Variants in OPRD1 observed in about 807,000 individuals in gnomAD.
The protein encoded by OPRD1 is delta-type opioid receptor.
Under a neutral mutation model 17.5 loss-of-function variants are expected in OPRD1, and 19 were observed. The observed-to-expected ratio is 1.09, with a 90% confidence interval of 0.76 to 1.60. The LOEUF is 1.60. OPRD1 is among the 40% of genes most tolerant of loss of function. The pLI is 0.00. For missense variants in OPRD1, 483 were observed against 547.2 expected (o/e 0.88, Z 1.17); for synonymous variants, 256 against 240.9 (o/e 1.06, Z -0.58).
At position 28,866,719 on chromosome 1, in the gene OPRD1, C is replaced by A. The variant is rs998773696; in HGVS notation, c.*3436C>A. 1 of 152,156 alleles carries A rather than the reference C, an allele frequency of 6.6e-6. No individual in the cohort carries two copies. Among genetic ancestry groups the A allele is most frequent in the Admixed American group, 6.5e-5 (1 of 15,272 alleles). 9.4% of individuals were successfully genotyped at this position (152,156 alleles called of 1,614,324 possible). On this transcript the variant is annotated 3_prime_UTR_variant, in exon 3 of 3. Coordinates refer to ENST00000234961, the MANE Select transcript of OPRD1 (RefSeq NM_000911.4). ...GAACCCCAGAATGAGGTTTTGAAGACCTAAAACCAAATGGAAAAATCTAAA... is the reference window on the plus strand; with the variant it reads ...GAACCCCAGAATGAGGTTTTGAAGAACTAAAACCAAATGGAAAAATCTAAA...
At position 28,812,321 on chromosome 1, in the gene OPRD1, G is replaced by T. The variant is rs2088636376; in HGVS notation, c.-63G>T. ...CGGCCTCTGCCTTGCCGCTCCCCTC[G>T]CGTCGGATCCCCGCGCCCAGGGCGC... On this transcript the variant is annotated 5_prime_UTR_variant, in exon 1 of 3. Coordinates refer to ENST00000234961, the MANE Select transcript of OPRD1 (RefSeq NM_000911.4). 8.6e-7 allele frequency: 1 copy of T among 1,168,590 alleles called. No individual in the cohort carries two copies. Among genetic ancestry groups the T allele is most frequent in the Non-Finnish European group, 1.1e-6 (1 of 927,338 alleles). 72.4% of individuals were successfully genotyped at this position (1,168,590 alleles called of 1,614,324 possible). A position where few individuals can be genotyped will look rare whatever the true frequency, so the allele number is the denominator to read the frequency against.
rs2089141666 is a variant in OPRD1, at chr1:28,863,186, AC to A, written c.1026del (p.Ser343AlafsTer135). 6.3e-7 allele frequency: 1 copy of A among 1,593,954 alleles called. No homozygotes were observed. The highest frequency in any genetic ancestry group is 8.5e-7 in the Non-Finnish European group (1 of 1,175,486). ...TGCCGCAAGCCCTGCGGCCGCCCAG[AC>A]CCCAGCAGCTTCAGCCGCGCCCGCG... ...QLCRKPCGRP[D>X]PSSFSRAREA... is the part of the protein sequence containing the mutation. On this transcript the variant is annotated frameshift_variant, in exon 3 of 3. Coordinates refer to ENST00000234961, the MANE Select transcript of OPRD1 (RefSeq NM_000911.4). LOFTEE classifies it low-confidence loss of function (END_TRUNC).
At position 28,844,102 on chromosome 1, in the gene OPRD1, A is replaced by G. The variant is rs192821166; in HGVS notation, c.228-14852A>G. Among the ~76,000 whole-genome samples the G allele has an allele frequency of 2.2e-3, 329 of 150,552 alleles. 2 individuals are homozygous for G. Among genetic ancestry groups the G allele is most frequent in the African/African-American group, 7.3e-3 (299 of 40,974 alleles). ...TTCCACAGTGGCTGCACCATTTTAC[A>G]TTTCCAAAAACGGTACACGAGAGTT... On this transcript the variant is annotated intron_variant, in intron 1 of 2. Coordinates refer to ENST00000234961, the MANE Select transcript of OPRD1 (RefSeq NM_000911.4).
intron 1 of OPRD1, among the ~76,000 whole-genome samples, chr1:28,821,596 G>A (rs1371767648): frequency 6.6e-6 from 1 of 152,152 alleles, no homozygotes; most frequent in Non-Finnish European, 1.5e-5. Context: ...CGCATTGCAT[G>A]TAATATTTTG....
Position 28,839,363 on chromosome 1 carries a change from C to T in OPRD1, c.228-19591C>T, listed in dbSNP as rs374526134. 4.1e-4 allele frequency among the ~76,000 whole-genome samples: 63 copies of T among 152,312 alleles called. 1 individual carries two copies. The South Asian group carries it at 0.013, about 31-fold the overall frequency. The stretch of plus-strand genomic sequence containing the variant: ...ACTTGTTGCTGGAGTTAGAGTCCCC[C>T]TCAATGATCCAAGATGGGCTTGAGA... On this transcript the variant is annotated intron_variant, in intron 1 of 2. Transcript: ENST00000234961.
chr1:28,835,517 G>A (rs556715678), intron 1 of OPRD1, among the ~76,000 whole-genome samples: 53 of 152,356 alleles, frequency 3.5e-4, no homozygotes, highest in African/African-American at 1.0e-3. Context: ...TGCCACTCTC[G>A]TTAAGTGGTG....
chr1:28,858,110 T>C (rs796147312), intron 1 of OPRD1, among the ~76,000 whole-genome samples: 23 of 134,750 alleles, frequency 1.7e-4, no homozygotes, highest in African/African-American at 6.2e-4. Context: ...TTTTTCTTTT[T>C]TTTTCTTTTT....
chr1:28,863,249 C>A lies in OPRD1; in HGVS notation c.1085C>A (p.Pro362Gln). 3 of 1,523,618 alleles carry A rather than the reference C, an allele frequency of 2.0e-6. No individual in the cohort carries two copies. Among genetic ancestry groups the A allele is most frequent in the South Asian group, 2.5e-5 (2 of 80,032 alleles). The allele number at this position is 1,523,618 out of a possible 1,614,324, so 94.4% of individuals were successfully genotyped here. A position where few individuals can be genotyped will look rare whatever the true frequency, so the allele number is the denominator to read the frequency against. The part of the protein sequence containing the change: ...TARERVTACT[P>Q]SDGPGGGAAA Reference sequence around the variant, plus strand: ...CGCGAGCGTGTCACCGCCTGCACCCCGTCCGATGGTCCCGGCGGTGGCGCT... The same window carrying A: ...CGCGAGCGTGTCACCGCCTGCACCCAGTCCGATGGTCCCGGCGGTGGCGCT... The change falls in exon 3 of 3, where the codon CCG (proline) becomes CAG (glutamine). Residue 362 changes from proline to glutamine, a missense_variant. Transcript: ENST00000234961.
chr1:28,827,737 T>TC (rs1405808141), intron 1 of OPRD1, among the ~76,000 whole-genome samples: 5 of 151,522 alleles, frequency 3.3e-5, no homozygotes, highest in African/African-American at 1.2e-4. Context: ...TTTTTTCTTT[T>TC]CCCCCTGCTC....
intron 1 of OPRD1, among the ~76,000 whole-genome samples, chr1:28,826,002 A>G (rs532049530): frequency 4.6e-5 from 7 of 152,348 alleles, no homozygotes; most frequent in African/African-American, 1.7e-4. Flanking sequence ...CCTTGCCCTC[A>G]TGGAGCTGAC....
chr1:28,862,925 G>T lies in OPRD1; in HGVS notation c.761G>T (p.Arg254Leu), dbSNP rs1425485010. ...RLLSGSKEKD[R>L]SLRRITRMVL... ...CTGTCGGGCTCCAAGGAGAAGGACC[G>T]CAGCCTGCGGCGCATCACGCGCATG... Residue 254 changes from arginine to leucine, a missense_variant, in exon 3 of 3, where the codon CGC becomes CTC. By Grantham distance (102) the Arg-to-Leu change is moderately radical. Transcript: ENST00000234961. 3 of 1,612,538 alleles carry T rather than the reference G, an allele frequency of 1.9e-6. No individual in the cohort carries two copies. The highest frequency in any genetic ancestry group is 2.5e-6 in the Non-Finnish European group (3 of 1,179,870).
intron 1 of OPRD1, among the ~76,000 whole-genome samples, chr1:28,820,957 C>T (rs1336091062): frequency 6.6e-6 from 1 of 151,886 alleles, no homozygotes; most frequent in African/African-American, 2.4e-5. Flanking sequence ...AGGTAACAAA[C>T]TTATTTCAGA....
intron 1 of OPRD1, among the ~76,000 whole-genome samples, chr1:28,821,826 G>T (rs1343015298): frequency 6.6e-6 from 1 of 152,036 alleles, no homozygotes; most frequent in African/African-American, 2.4e-5. Context: ...GATCACTTGA[G>T]CCCAGGAATT....
intron 1 of OPRD1, among the ~76,000 whole-genome samples, chr1:28,838,180 C>T (rs996114333): frequency 1.6e-4 from 24 of 151,994 alleles, no homozygotes; most frequent in Non-Finnish European, 3.2e-4. Flanking sequence ...TGAGATGGTT[C>T]CATTCATGGA....
chr1:28,856,335 G>T (rs761368221), intron 1 of OPRD1, among the ~76,000 whole-genome samples: 1 of 152,218 alleles, frequency 6.6e-6, no homozygotes, highest in African/African-American at 2.4e-5. Context: ...GCTTCTTAAA[G>T]ATGAAGATTC....
intron 1 of OPRD1, among the ~76,000 whole-genome samples, chr1:28,816,745 G>T (rs537560262): frequency 6.6e-6 from 1 of 152,220 alleles, no homozygotes; most frequent in African/African-American, 2.4e-5. Context: ...GGATGCCCTG[G>T]TCCTCAGAGC....
chr1:28,831,508 CAAAA>C (rs11287279), intron 1 of OPRD1, among the ~76,000 whole-genome samples: 6 of 136,410 alleles, frequency 4.4e-5, no homozygotes, highest in African/African-American at 5.4e-5. Context: ...GACTCCGTCT[CAAAA>C]AAAAAAAAAA....
At chr1:28,846,895 C>CTTTCTTTCTTT (rs1319487675) in intron 1 of OPRD1, among the ~76,000 whole-genome samples, 3 of 33,980 alleles carry the variant, frequency 8.8e-5, no homozygotes, top group African/African-American at 1.9e-4. Flanking sequence ...TCTTTCTTTT[C>CTTTCTTTCTTT]TCTTTCTTTC....
In OPRD1 at chr1:28,862,787, A is replaced by G. The variant is rs770384042; in HGVS notation, c.623A>G (p.Tyr208Cys). 6.2e-7 allele frequency: 1 copy of G among 1,613,422 alleles called. No individual in the cohort carries two copies. Among genetic ancestry groups the G allele is most frequent in the Non-Finnish European group, 8.5e-7 (1 of 1,179,748 alleles). Reference sequence around the variant, plus strand: ...CTCCAGTTCCCCAGCCCCAGCTGGTACTGGGACACGGTGACCAAGATCTGC... The same window carrying G: ...CTCCAGTTCCCCAGCCCCAGCTGGTGCTGGGACACGGTGACCAAGATCTGC... ...CMLQFPSPSW[Y>C]WDTVTKICVF... The change falls in exon 3 of 3, where the codon TAC becomes TGC. Residue 208 changes from tyrosine to cysteine, a missense_variant. Physicochemically the swap from Tyr to Cys is radical, Grantham distance 194. Transcript: ENST00000234961.
Sources: gnomAD v4.1 joint callset for allele counts (sites outside exome capture counted in the v4.1 genomes callset) on GRCh38, gnomAD v4.1.1 for gene constraint, MANE v1.5 for transcripts, NCBI Gene and HGNC (gene_info 2026-07-23, HGNC 2026-07-21) for gene names.